The following CUL1 variants were observed in gnomAD, a reference collection of about 807,000 sequenced individuals.
The protein encoded by CUL1 is cullin 1, also known as cullin-1.
CUL1 carries 24 observed loss-of-function variants against 118.0 expected under a neutral mutation model. The ratio of observed to expected loss-of-function variants is 0.20; its 90% CI spans 0.15 to 0.29. The LOEUF is 0.29. Among genes scored for constraint, CUL1 ranks in the 10% least tolerant of loss-of-function variants. CUL1 has a pLI of 1.00. For synonymous variants in CUL1, 332 were observed against 340.4 expected, an observed-to-expected ratio of 0.98 and a Z score of 0.27; for missense variants, 361 against 933.8, an observed-to-expected ratio of 0.39 and a Z score of 7.99.
chr7:148,762,668 A>G (rs575182778), intron 7 of CUL1, among the ~76,000 whole-genome samples: 1 of 152,350 alleles, frequency 6.6e-6, no homozygotes, highest in South Asian at 2.1e-4. Context: ...ATATATCCCA[A>G]AGACCTCTTA....
chr7:148,705,419 A>G (rs1254472221), intron 1 of CUL1, among the ~76,000 whole-genome samples: 18 of 152,226 alleles, frequency 1.2e-4, no homozygotes, highest in Admixed American at 7.2e-4. Flanking sequence ...TTCAGAGGCT[A>G]CCATCAATTA....
At chr7:148,737,560 A>ATT (rs1798992254) in intron 2 of CUL1, among the ~76,000 whole-genome samples, 1 of 140,722 alleles carries the variant, frequency 7.1e-6, no homozygotes, top group Non-Finnish European at 1.5e-5. Context: ...GTGTGTGTGT[A>ATT]TATATATATA....
chr7:148,792,947 G>A (rs1801066860), intron 17 of CUL1, 129 bp downstream of exon 17: 4 of 615,276 alleles, frequency 6.5e-6, no homozygotes, highest in Middle Eastern at 2.8e-4. Flanking sequence ...TCATGAATAT[G>A]AATATGGCCT....
intron 1 of CUL1, among the ~76,000 whole-genome samples, chr7:148,725,246 C>CACACACACAA (rs1349906501): frequency 3.3e-5 from 5 of 151,944 alleles, no homozygotes; most frequent in African/African-American, 2.4e-5. Flanking sequence ...CACACACACA[C>CACACACACAA]ACCCGTACCC....
At chr7:148,790,132 T>G (rs1401084007) in intron 15 of CUL1, among the ~76,000 whole-genome samples, 178 bp from the exon 16 acceptor site, 1 of 152,256 alleles carries the variant, frequency 6.6e-6, no homozygotes, top group African/African-American at 2.4e-5. Context: ...TTTTTAAGAT[T>G]GTACCTTCCA....
At position 148,767,895 on chromosome 7, in the gene CUL1, A is replaced by C. The variant is rs981249909; in HGVS notation, c.1083+146A>C. 11 of 814,492 alleles carry C rather than the reference A, an allele frequency of 1.4e-5. No homozygotes were observed. The Admixed American group carries it at 3.2e-4, about 24-fold the overall frequency. The allele number at this position is 814,492 out of a possible 1,614,324, so 50.5% of individuals were successfully genotyped here. A position where few individuals can be genotyped will look rare whatever the true frequency, so the allele number is the denominator to read the frequency against. ...ACCATGTTTTGTCTTTTTGAAGTAG[A>C]TAGTTCACAGACATCTTTGTTTAGT... On this transcript the variant is annotated intron_variant, in intron 9 of 21. Transcript: ENST00000325222.
At position 148,787,039 on chromosome 7, in the gene CUL1, T is replaced by C. The variant is rs374343552; in HGVS notation, c.1398T>C (p.Tyr466=). 5.0e-6 allele frequency: 8 copies of C among 1,613,380 alleles called. No homozygotes were observed. The highest frequency in any genetic ancestry group is 3.3e-5 in the Admixed American group (2 of 59,988). ...ACAAAGACGTATTTCAGAAGTTCTA[T>C]GCGAAGATGCTCGCCAAGAGGCTCG... is the stretch of plus-strand genomic sequence containing the variant. The part of the protein sequence containing the change: ...IEDKDVFQKF[Y]AKMLAKRLVH... The change falls in exon 13 of 22, where the codon TAT becomes TAC. Residue 466 remains tyrosine, a synonymous_variant. Transcript: ENST00000325222. The surrounding 1 kb of genome is among the most constrained non-coding windows in gnomAD (Gnocchi z 5.5).
chr7:148,736,952 A>G (rs1029863154), intron 2 of CUL1, among the ~76,000 whole-genome samples: 4 of 152,222 alleles, frequency 2.6e-5, no homozygotes, highest in African/African-American at 7.2e-5. Flanking sequence ...GTGGACTTCT[A>G]TATGAGTTTT....
intron 2 of CUL1, among the ~76,000 whole-genome samples, chr7:148,731,207 C>G (rs1381370422): frequency 6.6e-6 from 1 of 152,106 alleles, no homozygotes; most frequent in African/African-American, 2.4e-5. Flanking sequence ...TTTCTTGATT[C>G]CATACAAATA....
At chr7:148,760,998 C>T (rs1270395605) in intron 7 of CUL1, among the ~76,000 whole-genome samples, 1 of 152,148 alleles carries the variant, frequency 6.6e-6, no homozygotes, top group Non-Finnish European at 1.5e-5. Flanking sequence ...GGATTAGAGG[C>T]GTGAGCCACC....
intron 2 of CUL1, among the ~76,000 whole-genome samples, chr7:148,738,197 G>A (rs943885252): frequency 6.6e-6 from 1 of 152,116 alleles, no homozygotes; most frequent in African/African-American, 2.4e-5. Context: ...TACTGGCTCC[G>A]TCATCCTGCT....
chr7:148,715,883 C>T (rs1245657223), intron 1 of CUL1, among the ~76,000 whole-genome samples: 1 of 152,110 alleles, frequency 6.6e-6, no homozygotes, highest in African/African-American at 2.4e-5. Context: ...AGAGTTGTTC[C>T]TCTCTAACTC....
chr7:148,732,704 C>T (rs1798804985), intron 2 of CUL1, among the ~76,000 whole-genome samples: 1 of 152,050 alleles, frequency 6.6e-6, no homozygotes, highest in Non-Finnish European at 1.5e-5. Context: ...GTTATTTTTG[C>T]TCATAAGGCG....
chr7:148,798,458 T>G (rs1801281221), intron 19 of CUL1, 114 bp from the exon 20 acceptor site: 1 of 709,460 alleles, frequency 1.4e-6, no homozygotes, highest in Non-Finnish European at 2.5e-6. Flanking sequence ...AAATCAACAT[T>G]CTCCCCTCTG....
intron 19 of CUL1, 47 bp from the exon 20 acceptor site, chr7:148,798,525 C>T (rs1395344328): frequency 2.1e-6 from 3 of 1,430,510 alleles, no homozygotes; most frequent in South Asian, 2.3e-5. Context: ...CCTTCACTGC[C>T]TACCTTTTAA....
chr7:148,722,516 CTCCAGGCTGCAGGCAGGGG>C (rs1398746329), intron 1 of CUL1, among the ~76,000 whole-genome samples: 1 of 152,206 alleles, frequency 6.6e-6, no homozygotes, highest in Admixed American at 6.5e-5. Context: ...TCCTGCAGGC[CTCCAGGCTGCAGGCAGGGG>C]TCCACCTCCT....
In CUL1 at chr7:148,759,373, G is replaced by A. The variant is rs749914372; in HGVS notation, c.534+19G>A. 2.5e-6 allele frequency: 4 copies of A among 1,613,004 alleles called. No individual in the cohort carries two copies. The highest frequency in any genetic ancestry group is 3.4e-6 in the Non-Finnish European group (4 of 1,179,192). On this transcript the variant is annotated intron_variant, in intron 5 of 21. Transcript: ENST00000325222. ...TAAACAGGTACCTACTGGTGTGAGCGTGTGCATGTTCCTTTTAAAATCCCT... is the reference window on the plus strand; with the variant it reads ...TAAACAGGTACCTACTGGTGTGAGCATGTGCATGTTCCTTTTAAAATCCCT...
chr7:148,730,665 T>C (rs1404060356), intron 2 of CUL1, among the ~76,000 whole-genome samples: 1 of 152,244 alleles, frequency 6.6e-6, no homozygotes, highest in Non-Finnish European at 1.5e-5. Context: ...GACTGCCTTG[T>C]GTTATGGGAA....
intron 2 of CUL1, among the ~76,000 whole-genome samples, chr7:148,744,751 G>A (rs1001668906): frequency 1.3e-5 from 2 of 152,094 alleles, no homozygotes; most frequent in African/African-American, 4.8e-5. Flanking sequence ...TTCTATTGTA[G>A]TGTCAGTTTG....
Sources: gnomAD v4.1 joint callset for allele counts (sites outside exome capture counted in the v4.1 genomes callset) on GRCh38, gnomAD v4.1.1 for gene constraint, Gnocchi (gnomAD v3.1) non-coding constraint, MANE v1.5 for transcripts, NCBI Gene and HGNC (gene_info 2026-07-23, HGNC 2026-07-21) for gene names.